Variants in DIS3L2 observed in about 807,000 individuals in gnomAD.
The protein encoded by DIS3L2 is DIS3 like 3'-5' exoribonuclease 2, also known as DIS3-like exonuclease 2.
A neutral mutation model predicts 97.5 loss-of-function variants in DIS3L2; 34 were observed. That is an observed-to-expected ratio of 0.35 (90% confidence interval 0.27 to 0.46). The LOEUF (loss-of-function observed/expected upper bound fraction) is 0.46. DIS3L2 is among the 20% of genes least tolerant of loss of function. The pLI is 1.00. For synonymous variants in DIS3L2, 435 were observed against 445.2 expected (o/e 0.98, Z 0.29); for missense variants, 1,038 against 1,146.0 (o/e 0.91, Z 1.36).
chr2:232,099,372 C>T (rs1399220001), intron 6 of DIS3L2, among the ~76,000 whole-genome samples: 1 of 152,016 alleles, frequency 6.6e-6, no homozygotes, highest in Non-Finnish European at 1.5e-5. Flanking sequence ...TACACCATCA[C>T]ACCCAGATAA....
chr2:232,094,614 G>A (rs1357442196), intron 6 of DIS3L2, among the ~76,000 whole-genome samples: 1 of 151,614 alleles, frequency 6.6e-6, no homozygotes, highest in Admixed American at 6.6e-5. Flanking sequence ...AGCTACTGGG[G>A]AGGTGGAAGT....
intron 13 of DIS3L2, among the ~76,000 whole-genome samples, chr2:232,267,547 A>AT (rs1559183486): frequency 6.6e-6 from 1 of 152,206 alleles, no homozygotes; most frequent in Non-Finnish European, 1.5e-5. Flanking sequence ...TATTTATAAC[A>AT]TATGTCTCTC....
intron 14 of DIS3L2, 23 bp from the exon 15 acceptor site, chr2:232,329,790 C>CGGGGGGCACCCA: frequency 3.2e-6 from 1 of 315,338 alleles, no homozygotes; most frequent in East Asian, 9.0e-5. Context: ...AGCGGTCCCT[C>CGGGGGGCACCCA]CCATCCCACC....
intron 7 of DIS3L2, among the ~76,000 whole-genome samples, chr2:232,135,522 A>G (rs1026834460): frequency 6.6e-6 from 1 of 152,194 alleles, no homozygotes; most frequent in Non-Finnish European, 1.5e-5. Context: ...TTTGTTTAAA[A>G]TAGCTGTTTT....
At chr2:232,073,160 A>G (rs1300493025) in intron 5 of DIS3L2, among the ~76,000 whole-genome samples, 1 of 152,172 alleles carries the variant, frequency 6.6e-6, no homozygotes, top group Non-Finnish European at 1.5e-5. Flanking sequence ...TGTTTCCTGA[A>G]CAGTGTATTA....
At chr2:232,211,164 C>G (rs1181569519) in intron 10 of DIS3L2, among the ~76,000 whole-genome samples, 2 of 144,404 alleles carry the variant, frequency 1.4e-5, no homozygotes, top group East Asian at 4.6e-4. Flanking sequence ...CTCCTCTTCT[C>G]AACAGAGTCC....
At chr2:232,218,669 C>T (rs917149484) in intron 10 of DIS3L2, among the ~76,000 whole-genome samples, 2 of 152,178 alleles carry the variant, frequency 1.3e-5, no homozygotes, top group African/African-American at 4.8e-5. Flanking sequence ...TCTAATCAAC[C>T]AAGGTTTTAC....
At chr2:232,071,027 C>T (rs1239045219) in intron 5 of DIS3L2, among the ~76,000 whole-genome samples, 1 of 152,220 alleles carries the variant, frequency 6.6e-6, no homozygotes, top group Non-Finnish European at 1.5e-5. Context: ...AACTCTTCTT[C>T]TCCTGCAGTC....
chr2:232,121,156 T>C (rs1356810861), intron 6 of DIS3L2, among the ~76,000 whole-genome samples: 1 of 152,172 alleles, frequency 6.6e-6, no homozygotes, highest in African/African-American at 2.4e-5. Context: ...AGGCACAGCA[T>C]TCTGACTTCA....
At chr2:232,034,101 G>A (rs1056175534) in intron 5 of DIS3L2, among the ~76,000 whole-genome samples, 2 of 152,004 alleles carry the variant, frequency 1.3e-5, no homozygotes, top group Non-Finnish European at 2.9e-5. Context: ...CTGGTCCTGG[G>A]CCTTTTTTTG....
chr2:231,974,754 CAT>C (rs1693030701), intron 1 of DIS3L2, among the ~76,000 whole-genome samples: 1 of 151,966 alleles, frequency 6.6e-6, no homozygotes, highest in Non-Finnish European at 1.5e-5. Context: ...GCTATCAGAA[CAT>C]AAAGCTATTC....
chr2:232,111,906 T>A (rs1697548398), intron 6 of DIS3L2, among the ~76,000 whole-genome samples: 1 of 152,224 alleles, frequency 6.6e-6, no homozygotes, highest in African/African-American at 2.4e-5. Flanking sequence ...AAATATGTGC[T>A]CCTACATTAG....
At chr2:232,214,210 G>A (rs1341184746) in intron 10 of DIS3L2, among the ~76,000 whole-genome samples, 1 of 152,156 alleles carries the variant, frequency 6.6e-6, no homozygotes, top group East Asian at 1.9e-4. Context: ...TGACCTCAAC[G>A]CTGAAGTGTG....
intron 14 of DIS3L2, among the ~76,000 whole-genome samples, chr2:232,327,117 A>G (rs2106345073): frequency 1.3e-5 from 2 of 152,336 alleles, no homozygotes; most frequent in South Asian, 4.1e-4. Context: ...CTCAGCCCTG[A>G]GAGGCCCCCA....
chr2:232,059,140 A>G (rs750208436), intron 5 of DIS3L2, among the ~76,000 whole-genome samples: 1 of 152,192 alleles, frequency 6.6e-6, no homozygotes, highest in South Asian at 2.1e-4. Flanking sequence ...GATATTTTGT[A>G]TACAAAAAGC....
chr2:232,340,072 A>G (rs888025554), downstream of DIS3L2, among the ~76,000 whole-genome samples: 1 of 152,194 alleles, frequency 6.6e-6, no homozygotes, highest in Non-Finnish European at 1.5e-5. Flanking sequence ...GCAAGTCATT[A>G]CTATAGGCGG....
At chr2:232,172,681 C>T (rs1323355296) in intron 9 of DIS3L2, 1 of 534,340 alleles carries the variant, frequency 1.9e-6, no homozygotes, top group South Asian at 1.4e-5. Flanking sequence ...TATGGTCAGT[C>T]TACTTTTAGA....
chr2:232,315,118 G>C (rs1197641015), intron 14 of DIS3L2, among the ~76,000 whole-genome samples: 1 of 152,198 alleles, frequency 6.6e-6, no homozygotes, highest in African/African-American at 2.4e-5. Context: ...ACTTCAAGGA[G>C]TTCTAGAAGA....
chr2:232,089,856 T>G (rs1468284292), intron 6 of DIS3L2, among the ~76,000 whole-genome samples: 2 of 152,212 alleles, frequency 1.3e-5, no homozygotes, highest in Non-Finnish European at 2.9e-5. Context: ...CGGTTTACTT[T>G]GCTGGCATCC....
Sources: gnomAD v4.1 joint callset for allele counts (sites outside exome capture counted in the v4.1 genomes callset) on GRCh38, gnomAD v4.1.1 for gene constraint, MANE v1.5 for transcripts, NCBI Gene and HGNC (gene_info 2026-07-23, HGNC 2026-07-21) for gene names.